Variants in ZNF33B observed in about 807,000 individuals in gnomAD.
ZNF33B encodes the protein zinc finger protein 11b (KOX 2).
A neutral mutation model predicts 45.8 loss-of-function variants in ZNF33B; 29 were observed. The ratio of observed to expected loss-of-function variants is 0.63; its 90% CI spans 0.47 to 0.86. The LOEUF is 0.86. ZNF33B is among the 40% of genes least tolerant of loss of function. ZNF33B has a pLI of 0.00. For synonymous variants in ZNF33B, 305 were observed against 307.8 expected (o/e 0.99, Z 0.10); for missense variants, 831 against 909.9 (o/e 0.91, Z 1.12).
Position 42,593,664 on chromosome 10 carries a change from G to C in ZNF33B, c.1286C>G (p.Thr429Ser), listed in dbSNP as rs368443239. 13 of 1,614,060 alleles carry C rather than the reference G, an allele frequency of 8.1e-6. No homozygotes were observed. The highest frequency in any genetic ancestry group is 1.7e-5 in the Admixed American group (1 of 60,012). Residue 429 changes from threonine to serine, a missense_variant, in exon 5 of 5, where the codon ACT (threonine) becomes AGT (serine). Transcript: ENST00000359467. Reference sequence around the variant, plus strand: ...CCCTGTGTGTGTTCTCTGATGTTTAGTGAGGTCAGATTTCTGGTAAAAAGT... The same window carrying C: ...CCCTGTGTGTGTTCTCTGATGTTTACTGAGGTCAGATTTCTGGTAAAAAGT... ...GKTFYQKSDLTKHQRTHTGQK... is the reference protein window; with the variant it reads ...GKTFYQKSDLSKHQRTHTGQK...
downstream of ZNF33B, among the ~76,000 whole-genome samples, chr10:42,588,356 C>T (rs1048352720): frequency 5.9e-5 from 9 of 152,370 alleles, no homozygotes; most frequent in Non-Finnish European, 1.0e-4. Flanking sequence ...CTGCCAGCAA[C>T]TGGTGGTTCT....
At chr10:42,622,428 C>T (rs1490387626) in intron 4 of ZNF33B, among the ~76,000 whole-genome samples, 1 of 152,162 alleles carries the variant, frequency 6.6e-6, no homozygotes, top group South Asian at 2.1e-4. Flanking sequence ...CGTCCAATTT[C>T]ACAACTTATT....
At chr10:42,623,482 G>T (rs1374968949) in intron 4 of ZNF33B, among the ~76,000 whole-genome samples, 1 of 152,166 alleles carries the variant, frequency 6.6e-6, no homozygotes, top group Non-Finnish European at 1.5e-5. Context: ...ATCAACAGAT[G>T]AATGGATTAA....
intron 2 of ZNF33B, among the ~76,000 whole-genome samples, chr10:42,636,412 C>T (rs1839302047): frequency 6.6e-6 from 1 of 152,194 alleles, no homozygotes; most frequent in African/African-American, 2.4e-5. Flanking sequence ...TTGTTGGAAA[C>T]ATAAGAAACA....
intron 4 of ZNF33B, among the ~76,000 whole-genome samples, chr10:42,595,095 T>C (rs371268400): frequency 6.6e-6 from 1 of 152,146 alleles, no homozygotes; most frequent in African/African-American, 2.4e-5. Flanking sequence ...AACTAGGAGA[T>C]GGAGAATATT....
At chr10:42,597,239 G>A (rs1304545531) in intron 4 of ZNF33B, among the ~76,000 whole-genome samples, 1 of 151,954 alleles carries the variant, frequency 6.6e-6, no homozygotes, top group African/African-American at 2.4e-5. Context: ...GATGGGGCCA[G>A]TGCAAAATAA....
chr10:42,620,395 T>C (rs1838519614), intron 4 of ZNF33B, among the ~76,000 whole-genome samples: 2 of 151,898 alleles, frequency 1.3e-5, no homozygotes, highest in South Asian at 4.2e-4. Context: ...GCTGGCAGAA[T>C]GGATTTGATT....
Position 42,592,937 on chromosome 10 carries a change from T to C in ZNF33B, c.2013A>G (p.Gly671=), listed in dbSNP as rs372121521. 2 of 1,612,712 alleles carry C rather than the reference T, an allele frequency of 1.2e-6. No homozygotes were observed. Among genetic ancestry groups the C allele is most frequent in the African/African-American group, 1.3e-5 (1 of 74,598 alleles). The part of the protein sequence containing the change: ...QEKPYKCNEC[G]KSFCVKSGLI... The stretch of plus-strand genomic sequence containing the variant: ...GTCCTGACTTCACACAGAAAGATTT[T>C]CCACATTCGTTACATTTATAAGGCT... Residue 671 remains glycine (G), a synonymous_variant, in exon 5 of 5, where the codon GGA becomes GGG. Coordinates refer to ENST00000359467, the MANE Select transcript of ZNF33B (RefSeq NM_006955.3).
intron 4 of ZNF33B, among the ~76,000 whole-genome samples, chr10:42,606,599 ATACTTCC>A (rs933159109): frequency 6.6e-6 from 1 of 152,104 alleles, no homozygotes; most frequent in Non-Finnish European, 1.5e-5. Flanking sequence ...CTACAAATAG[ATACTTCC>A]TATCTTTCTT....
intron 1 of ZNF33B, among the ~76,000 whole-genome samples, chr10:42,578,339 G>T: frequency 6.6e-6 from 1 of 152,202 alleles, no homozygotes; most frequent in East Asian, 1.9e-4. Flanking sequence ...CAGCACTGGG[G>T]TATCTGGACA....
At chr10:42,577,833 C>G (rs1357807841) in intron 1 of ZNF33B, among the ~76,000 whole-genome samples, 1 of 152,188 alleles carries the variant, frequency 6.6e-6, no homozygotes, top group Non-Finnish European at 1.5e-5. Flanking sequence ...CCCTTAAGAA[C>G]TCCCTATAAA....
In ZNF33B at chr10:42,632,291, T is replaced by C. The variant is rs1839095363; in HGVS notation, c.154+4A>G. ...TTTAGAATGATACAGTGAACAGACC[T>C]TACCCACTGAGACAAGGTTGCTGTA... On this transcript the variant is annotated splice_donor_region_variant and intron_variant, in intron 3 of 4. Coordinates refer to ENST00000359467, the MANE Select transcript of ZNF33B (RefSeq NM_006955.3). 6.3e-7 allele frequency: 1 copy of C among 1,599,268 alleles called. No homozygotes were observed. Among genetic ancestry groups the C allele is most frequent in the East Asian group, 2.2e-5 (1 of 44,760 alleles).
chr10:42,593,894 T>C lies in ZNF33B; in HGVS notation c.1056A>G (p.Thr352=), dbSNP rs148222850. ...GATTACATTGAAAGTGTTTCTCTCC[T>C]GTGTGCACCCTCTGATGTCGAGTGA... ...SHLTRHQRVH[T]GEKHFQCNQC... The change falls in exon 5 of 5, where the codon ACA becomes ACG. Residue 352 remains threonine (T), a synonymous_variant. Coordinates refer to ENST00000359467, the MANE Select transcript of ZNF33B (RefSeq NM_006955.3). 3 of 1,614,078 alleles carry C rather than the reference T, an allele frequency of 1.9e-6. No individual in the cohort carries two copies. Among genetic ancestry groups the C allele is most frequent in the Non-Finnish European group, 2.5e-6 (3 of 1,179,944 alleles).
At chr10:42,574,323 A>T (rs1480816769) in exon 2 of ZNF33B, 1 of 152,036 alleles carries the variant, frequency 6.6e-6, no homozygotes, top group African/African-American at 2.4e-5. Flanking sequence ...CAGAATGGGT[A>T]TCTGCTCCCT....
chr10:42,628,950 T>G (rs950792882), intron 4 of ZNF33B, among the ~76,000 whole-genome samples: 4 of 152,120 alleles, frequency 2.6e-5, no homozygotes, highest in African/African-American at 7.2e-5. Context: ...GCAATCCCAC[T>G]CCTAGATATA....
intron 4 of ZNF33B, among the ~76,000 whole-genome samples, chr10:42,607,520 A>C (rs973669532): frequency 2.3e-4 from 35 of 152,278 alleles, no homozygotes; most frequent in Admixed American, 2.0e-3. Flanking sequence ...TTGTACCCTC[A>C]AAACCTATAA....
intron 1 of ZNF33B, chr10:42,579,729 A>G (rs1836798128): frequency 1.3e-5 from 2 of 154,302 alleles, no homozygotes; most frequent in Non-Finnish European, 2.9e-5. Context: ...GAGAATTTCA[A>G]CAAAGAATTG....
chr10:42,620,878 T>G (rs1181874173), intron 4 of ZNF33B, among the ~76,000 whole-genome samples: 1 of 152,090 alleles, frequency 6.6e-6, no homozygotes, highest in Non-Finnish European at 1.5e-5. Flanking sequence ...CATAAGCTGT[T>G]ACAAGAGACA....
chr10:42,588,726 A>C (rs1227544704), downstream of ZNF33B, among the ~76,000 whole-genome samples: 2 of 152,176 alleles, frequency 1.3e-5, no homozygotes, highest in Non-Finnish European at 2.9e-5. Context: ...GAGTACAGTG[A>C]CCACTGTTTG....
Sources: allele counts gnomAD v4.1 joint callset (sites outside exome capture counted in the v4.1 genomes callset), GRCh38; gene constraint gnomAD v4.1.1; transcripts MANE v1.5; gene names NCBI Gene and HGNC (gene_info 2026-07-23, HGNC 2026-07-21).